Variants in FMN1 observed in about 807,000 individuals in gnomAD.
The protein encoded by FMN1 is formin-1.
In FMN1, 110 loss-of-function variants were observed where a neutral mutation model predicts 132.4. The ratio of observed to expected loss-of-function variants is 0.83; its 90% CI spans 0.71 to 0.97. The LOEUF (loss-of-function observed/expected upper bound fraction) is 0.97. Ranked by LOEUF, FMN1 falls within the 50% of genes least tolerant of loss-of-function variation. FMN1 has a pLI of 0.00. For synonymous variants in FMN1, 722 were observed against 651.7 expected, an observed-to-expected ratio of 1.11 and a Z score of -1.64; for missense variants, 1,792 against 1,705.3, an observed-to-expected ratio of 1.05 and a Z score of -0.90.
intron 6 of FMN1, chr15:33,064,369 A>T (rs2037620110): frequency 6.6e-6 from 1 of 152,226 alleles, no homozygotes. Flanking sequence ...CTTCCACTTA[A>T]ATAGTAACCA....
chr15:33,108,908 G>A (rs1362635876), intron 4 of FMN1, among the ~76,000 whole-genome samples: 1 of 152,030 alleles, frequency 6.6e-6, no homozygotes, highest in Non-Finnish European at 1.5e-5. Context: ...CTACAATATT[G>A]ATTACCACTC....
intron 17 of FMN1, among the ~76,000 whole-genome samples, chr15:32,819,194 C>T (rs73386841): frequency 0.017 from 2,575 of 151,116 alleles, 83 homozygotes; most frequent in African/African-American, 0.058. Context: ...GGAAAACCTA[C>T]TGCTTTCTGA....
At chr15:32,931,962 T>C (rs965259478) in intron 9 of FMN1, among the ~76,000 whole-genome samples, 1 of 152,232 alleles carries the variant, frequency 6.6e-6, no homozygotes, top group Non-Finnish European at 1.5e-5. Context: ...ATGCTTTTTC[T>C]GCATCTATCA....
At chr15:32,845,581 C>G (rs1334079737) in intron 17 of FMN1, among the ~76,000 whole-genome samples, 1 of 152,150 alleles carries the variant, frequency 6.6e-6, no homozygotes, top group East Asian at 1.9e-4. Context: ...TGGGATTGAG[C>G]TCACCCTGAC....
At chr15:32,809,265 G>A (rs943503167) in intron 17 of FMN1, among the ~76,000 whole-genome samples, 2 of 152,122 alleles carry the variant, frequency 1.3e-5, no homozygotes, top group African/African-American at 4.8e-5. Context: ...TTTTCTGAGA[G>A]CTAAGATTCC....
chr15:32,869,648 G>T (rs1485496982), intron 16 of FMN1, among the ~76,000 whole-genome samples: 2 of 152,188 alleles, frequency 1.3e-5, no homozygotes, highest in Non-Finnish European at 2.9e-5. Flanking sequence ...TACAGCCAAG[G>T]AAGAGAAGGT....
chr15:32,985,392 G>A (rs2033001544), intron 7 of FMN1, among the ~76,000 whole-genome samples: 1 of 151,994 alleles, frequency 6.6e-6, no homozygotes, highest in Non-Finnish European at 1.5e-5. Flanking sequence ...AACTTTATGG[G>A]GACTCATGTT....
intron 6 of FMN1, chr15:33,013,190 C>G (rs1317621765): frequency 9.2e-6 from 3 of 327,006 alleles, no homozygotes; most frequent in Admixed American, 8.0e-5. Context: ...CTAGCTGCTA[C>G]AAAGAAGACA....
chr15:32,943,472 G>A (rs955200526), intron 9 of FMN1, among the ~76,000 whole-genome samples: 1 of 152,180 alleles, frequency 6.6e-6, no homozygotes, highest in Non-Finnish European at 1.5e-5. Flanking sequence ...TGCTACTGAT[G>A]ACAAGTCAGC....
intron 17 of FMN1, among the ~76,000 whole-genome samples, chr15:32,836,498 CCTTA>C (rs1001562181): frequency 1.3e-5 from 2 of 152,140 alleles, no homozygotes; most frequent in African/African-American, 4.8e-5. Flanking sequence ...CTCTTTCTCC[CCTTA>C]CTTTTAGTCT....
At chr15:33,026,918 T>C (rs1187125197) in intron 6 of FMN1, among the ~76,000 whole-genome samples, 2 of 152,324 alleles carry the variant, frequency 1.3e-5, no homozygotes, top group East Asian at 3.9e-4. Flanking sequence ...ATTGCAGCTG[T>C]CACTGGGCTT....
intron 4 of FMN1, among the ~76,000 whole-genome samples, chr15:33,144,315 GTTTT>G (rs1233899918): frequency 1.3e-5 from 2 of 152,132 alleles, no homozygotes; most frequent in Non-Finnish European, 2.9e-5. Context: ...CTGCCCTCAA[GTTTT>G]TTTATTAATG....
At chr15:32,864,735 GACAA>G (rs1321846446) in intron 16 of FMN1, among the ~76,000 whole-genome samples, 2 of 151,796 alleles carry the variant, frequency 1.3e-5, no homozygotes, top group Non-Finnish European at 2.9e-5. Flanking sequence ...CCTTTTTATA[GACAA>G]ACAAGTGCCT....
intron 17 of FMN1, among the ~76,000 whole-genome samples, chr15:32,817,338 C>A (rs1280801049): frequency 6.6e-6 from 1 of 152,180 alleles, no homozygotes; most frequent in Non-Finnish European, 1.5e-5. Context: ...CCACAGAACC[C>A]GACAAAAGTC....
chr15:32,814,976 T>C (rs2058007667), intron 17 of FMN1, among the ~76,000 whole-genome samples: 1 of 152,164 alleles, frequency 6.6e-6, no homozygotes, highest in South Asian at 2.1e-4. Context: ...AGAGTCTCGC[T>C]CTGTCGCCCA....
intron 7 of FMN1, among the ~76,000 whole-genome samples, chr15:33,004,578 A>G (rs1399555558): frequency 7.2e-5 from 11 of 152,206 alleles, no homozygotes; most frequent in Non-Finnish European, 1.3e-4. Flanking sequence ...GAACACTTTT[A>G]CACTGTTGGT....
intron 7 of FMN1, 62 bp from the exon 8 acceptor site, chr15:32,969,539 A>T (rs1269011905): frequency 6.5e-7 from 1 of 1,549,528 alleles, no homozygotes; most frequent in African/African-American, 1.4e-5. Context: ...TTAAGAATTT[A>T]GAAACTCAAT....
At chr15:32,885,503 C>G (rs1305089118) in intron 16 of FMN1, among the ~76,000 whole-genome samples, 1 of 152,182 alleles carries the variant, frequency 6.6e-6, no homozygotes, top group Non-Finnish European at 1.5e-5. Flanking sequence ...TGGCAAATTA[C>G]TTGAGCACCA....
At chr15:33,156,188 A>G (rs1007007384) in intron 3 of FMN1, among the ~76,000 whole-genome samples, 1 of 151,856 alleles carries the variant, frequency 6.6e-6, no homozygotes, top group African/African-American at 2.4e-5. Context: ...AAAATTGCAG[A>G]TATCTGGTCA....
Sources: gnomAD v4.1 joint callset for allele counts (sites outside exome capture counted in the v4.1 genomes callset) on GRCh38, gnomAD v4.1.1 for gene constraint, MANE v1.5 for transcripts, NCBI Gene and HGNC (gene_info 2026-07-23, HGNC 2026-07-21) for gene names.